EXOC5: variants seen among roughly 807,000 people sequenced by gnomAD.
EXOC5 encodes the protein exocyst complex component 5.
A neutral mutation model predicts 90.8 loss-of-function variants in EXOC5; 17 were observed. The observed-to-expected ratio is 0.19, with a 90% CI of 0.13 to 0.28. The LOEUF (loss-of-function observed/expected upper bound fraction) is 0.28, where lower values mean the gene tolerates loss of function less well. EXOC5 is among the 10% of genes least tolerant of loss of function. The pLI is 1.00. For missense variants in EXOC5, 569 were observed against 830.6 expected (o/e 0.69, Z 3.87); for synonymous variants, 260 against 270.0 (o/e 0.96, Z 0.36).
At chr14:57,231,798 G>A (rs373514704) in intron 10 of EXOC5, 83 bp from the exon 11 acceptor site, 44 of 926,624 alleles carry the variant, frequency 4.7e-5, no homozygotes, top group South Asian at 3.4e-4. Flanking sequence ...TTTTTACAAC[G>A]TGACTTTCAT....
At chr14:57,243,715 T>C (rs1481842010) in intron 4 of EXOC5, 1 of 155,874 alleles carries the variant, frequency 6.4e-6, no homozygotes, top group Non-Finnish European at 1.4e-5. Context: ...TAATTCTTTA[T>C]AAGAGATCTT....
At chr14:57,262,892 T>A in intron 1 of EXOC5, among the ~76,000 whole-genome samples, 1 of 152,114 alleles carries the variant, frequency 6.6e-6, no homozygotes, top group East Asian at 1.9e-4. Flanking sequence ...ATCAAATTCC[T>A]TTAATTCTTC....
chr14:57,210,183 T>C, intron 15 of EXOC5, 122 bp from the exon 16 acceptor site: 1 of 552,682 alleles, frequency 1.8e-6, no homozygotes, highest in South Asian at 2.7e-5. Flanking sequence ...GAAACTCTTT[T>C]ACTATTGGTA....
Position 57,208,658 on chromosome 14 carries a change from T to A in EXOC5, c.2078A>T (p.Gln693Leu). The A allele has an allele frequency of 6.2e-7, 1 of 1,611,374 alleles. No homozygotes were observed. The highest frequency in any genetic ancestry group is 8.5e-7 in the Non-Finnish European group (1 of 1,178,908). ...GGCAGATCTATAATCAGCACGAAGTTGTACGAAGGAGTGAAGTATATTCTT... is the reference window on the plus strand; with the variant it reads ...GGCAGATCTATAATCAGCACGAAGTAGTACGAAGGAGTGAAGTATATTCTT... ...LDKNILHSFV[Q>L]LRADYRSARL... The change falls in exon 18 of 18, where the codon CAA (glutamine) becomes CTA (leucine). Residue 693 changes from glutamine (Q) to leucine (L), a missense_variant. Coordinates refer to ENST00000621441, the MANE Select transcript of EXOC5 (RefSeq NM_006544.4).
chr14:57,209,670 C>T lies in EXOC5; in HGVS notation c.1835G>A (p.Arg612Gln), dbSNP rs1882767214. The T allele has an allele frequency of 2.5e-6, 4 of 1,612,398 alleles. No individual in the cohort carries two copies. Among genetic ancestry groups the T allele is most frequent in the African/African-American group, 1.3e-5 (1 of 74,830 alleles). ...VLMELGVRFH[R>Q]LIYEHLQQYS... ...TTGTTGAAGATGCTCATAGATAAGT[C>T]GATGAAAACGTACTCCAAGTTCCAT... Residue 612 changes from arginine (R) to glutamine (Q), a missense_variant, in exon 17 of 18, where the codon CGA becomes CAA. This residue lies in a region of EXOC5 where 122 missense variants were observed against 180.0 expected (regional missense o/e 0.68). Transcript: ENST00000621441.
At chr14:57,230,833 C>T (rs936309602) in intron 11 of EXOC5, among the ~76,000 whole-genome samples, 1 of 151,124 alleles carries the variant, frequency 6.6e-6, no homozygotes, top group Non-Finnish European at 1.5e-5. Context: ...AAACTATTTT[C>T]TATTTTTTTC....
intron 12 of EXOC5, among the ~76,000 whole-genome samples, chr14:57,227,941 T>C (rs1308889799): frequency 8.1e-6 from 1 of 123,050 alleles, no homozygotes; most frequent in Non-Finnish European, 1.5e-5. Flanking sequence ...CATACATATA[T>C]ATATACACAC....
At chr14:57,210,352 T>G (rs1415551525) in intron 15 of EXOC5, among the ~76,000 whole-genome samples, 1 of 152,162 alleles carries the variant, frequency 6.6e-6, no homozygotes, top group African/African-American at 2.4e-5. Context: ...CCTTAACAAC[T>G]AAGGATTTTC....
rs192657806 is a variant in EXOC5 at position 57,204,946 on chromosome 14, G to A, written c.*3663C>T. ...AACTAAAGGATCTATTTAACGTTAC[G>A]TAAGGAGAATAGCATATAGAACCTA... On this transcript the variant is annotated 3_prime_UTR_variant, in exon 18 of 18. Coordinates refer to ENST00000621441, the MANE Select transcript of EXOC5 (RefSeq NM_006544.4). The A allele has an allele frequency of 4.6e-5, 7 of 152,038 alleles. No individual in the cohort carries two copies. Among genetic ancestry groups the A allele is most frequent in the Admixed American group, 6.6e-5 (1 of 15,256 alleles). 9.4% of individuals were successfully genotyped at this position (152,038 alleles called of 1,614,324 possible).
intron 4 of EXOC5, among the ~76,000 whole-genome samples, chr14:57,243,032 C>T (rs957492180): frequency 2.0e-5 from 3 of 152,060 alleles, no homozygotes; most frequent in African/African-American, 7.2e-5. Context: ...CATTTATAAG[C>T]GGGAGCTAAG....
intron 12 of EXOC5, among the ~76,000 whole-genome samples, chr14:57,223,944 A>G (rs896247605): frequency 2.6e-5 from 4 of 152,226 alleles, no homozygotes; most frequent in Non-Finnish European, 5.9e-5. Context: ...TGGAAACTAA[A>G]TAACATATTT....
Position 57,206,652 on chromosome 14 carries a change from G to A in EXOC5, c.*1957C>T, listed in dbSNP as rs1003336244. ...ACTTTTAAATTAAGTATTCACTTAC[G>A]AATTTTGTCACTGTCCTATCAACGG... On this transcript the variant is annotated 3_prime_UTR_variant, in exon 18 of 18. Transcript: ENST00000621441. 2.0e-5 allele frequency: 3 copies of A among 152,254 alleles called. No individual in the cohort carries two copies. The highest frequency in any genetic ancestry group is 6.6e-5 in the Admixed American group (1 of 15,216). The allele number at this position is 152,254 out of a possible 1,614,324, so 9.4% of individuals were successfully genotyped here.
chr14:57,246,639 G>A (rs368188290), intron 3 of EXOC5, 72 bp downstream of exon 3: 11 of 1,329,640 alleles, frequency 8.3e-6, no homozygotes, highest in East Asian at 4.6e-5. Context: ...ACTTTTTTAA[G>A]AGCTTAAAAC....
chr14:57,208,656 G>A lies in EXOC5; in HGVS notation c.2080C>T (p.Leu694Phe). The part of the protein sequence containing the change: ...DKNILHSFVQ[L>F]RADYRSARLA... Reference sequence around the variant, plus strand: ...CGGGCAGATCTATAATCAGCACGAAGTTGTACGAAGGAGTGAAGTATATTC... The same window carrying A: ...CGGGCAGATCTATAATCAGCACGAAATTGTACGAAGGAGTGAAGTATATTC... Residue 694 changes from leucine to phenylalanine, a missense_variant, in exon 18 of 18, where the codon CTT becomes TTT. This residue lies in a region of EXOC5 where 122 missense variants were observed against 180.0 expected (regional missense o/e 0.68). Transcript: ENST00000621441. 1 of 1,611,360 alleles carries A rather than the reference G, an allele frequency of 6.2e-7. No individual in the cohort carries two copies. Among genetic ancestry groups the A allele is most frequent in the Non-Finnish European group, 8.5e-7 (1 of 1,178,912 alleles).
Position 57,202,445 on chromosome 14 carries a change from T to C in EXOC5, c.*6164A>G, listed in dbSNP as rs1882534723. The C allele has an allele frequency of 6.6e-6, 1 of 152,208 alleles. No homozygotes were observed. The highest frequency in any genetic ancestry group is 6.5e-5 in the Admixed American group (1 of 15,278). 9.4% of individuals were successfully genotyped at this position (152,208 alleles called of 1,614,324 possible). Reference sequence around the variant, plus strand: ...CTTTCTTCTTGGAAATACAAAAGTATTGGAGGGTGGTGCAGCATCATGACA... The same window carrying C: ...CTTTCTTCTTGGAAATACAAAAGTACTGGAGGGTGGTGCAGCATCATGACA... On this transcript the variant is annotated 3_prime_UTR_variant, in exon 18 of 18. Coordinates refer to ENST00000621441, the MANE Select transcript of EXOC5 (RefSeq NM_006544.4).
intron 4 of EXOC5, among the ~76,000 whole-genome samples, chr14:57,242,363 G>A (rs186723367): frequency 3.1e-4 from 47 of 151,754 alleles, no homozygotes; most frequent in South Asian, 1.7e-3. Flanking sequence ...TCCTGCCTCA[G>A]CCTCCTGAGT....
In EXOC5 at chr14:57,209,107, CA is replaced by C. The variant is rs1460379853; in HGVS notation, c.1939-311del. ...ATAATTTAAATGTTACAGAAATATT[CA>C]GGGGGACATAAATGAAGACAACATT... On this transcript the variant is annotated intron_variant, in intron 17 of 17. Transcript: ENST00000621441. Among the ~76,000 whole-genome samples the C allele has an allele frequency of 2.0e-5, 3 of 152,036 alleles. No homozygotes were observed. The East Asian group carries it at 5.8e-4, about 29-fold the overall frequency.
chr14:57,241,755 G>T (rs756549837), intron 4 of EXOC5, among the ~76,000 whole-genome samples: 3 of 152,248 alleles, frequency 2.0e-5, no homozygotes, highest in Non-Finnish European at 4.4e-5. Context: ...TGAGGTGAGA[G>T]ACTACCCTTG....
At chr14:57,254,152 T>C (rs536475135) in intron 1 of EXOC5, among the ~76,000 whole-genome samples, 1 of 152,232 alleles carries the variant, frequency 6.6e-6, no homozygotes, top group South Asian at 2.1e-4. Context: ...TGCCTAACAC[T>C]GGCTGGGCGC....
Sources: gnomAD v4.1 joint callset for allele counts (sites outside exome capture counted in the v4.1 genomes callset) on GRCh38, gnomAD v4.1.1 for gene constraint, gnomAD v4.1.1 regional missense constraint, MANE v1.5 for transcripts, NCBI Gene and HGNC (gene_info 2026-07-23, HGNC 2026-07-21) for gene names.